The following SHROOM2 variants were observed in gnomAD, a reference collection of about 807,000 sequenced individuals.
SHROOM2 encodes the protein protein Shroom2.
A neutral mutation model predicts 75.9 loss-of-function variants in SHROOM2; 33 were observed. The observed-to-expected ratio is 0.43, with a 90% CI of 0.33 to 0.58. The LOEUF is 0.58. SHROOM2 is among the 20% of genes least tolerant of loss of function. SHROOM2 has a pLI of 0.04. For missense variants in SHROOM2, 1,434 were observed against 1,461.2 expected (o/e 0.98, Z 0.30); for synonymous variants, 655 against 663.6 (o/e 0.99, Z 0.20).
At chrX:9,898,474 G>C (rs1382399698) in intron 5 of SHROOM2, among the ~76,000 whole-genome samples, 184 bp downstream of exon 5, 2 of 112,730 alleles carry the variant, frequency 1.8e-5, no homozygotes, top group East Asian at 5.6e-4. Context: ...TGTGCACCCT[G>C]CAGCCCTGCC....
chrX:9,850,828 T>G (rs2146776760), intron 1 of SHROOM2, among the ~76,000 whole-genome samples: 1 of 26,441 alleles, frequency 3.8e-5, no homozygotes, highest in Non-Finnish European at 8.8e-5. Context: ...TAAGACTCTG[T>G]GTCAAAAAAA....
At chrX:9,823,895 A>T (rs1180554878) in intron 1 of SHROOM2, among the ~76,000 whole-genome samples, 1 of 107,789 alleles carries the variant, frequency 9.3e-6, no homozygotes, top group African/African-American at 3.4e-5. Context: ...AGGAGCTGGG[A>T]CTATAGGCAT....
chrX:9,884,368 C>CTTTTTTT (rs1181815816), intron 2 of SHROOM2, among the ~76,000 whole-genome samples: 10 of 62,284 alleles, frequency 1.6e-4, no homozygotes, highest in Non-Finnish European at 2.2e-4. Flanking sequence ...TTTTTCTTTT[C>CTTTTTTT]TTTTTTTTTT....
Position 9,895,280 on chromosome X carries a change from C to T in SHROOM2, c.1372C>T (p.Pro458Ser), listed in dbSNP as rs1487799107. The T allele has an allele frequency of 8.5e-7, 1 of 1,181,891 alleles. No individual in the cohort carries two copies. The highest frequency in any genetic ancestry group is 1.1e-6 in the Non-Finnish European group (1 of 880,441). ...GAASFQNDSP[P>S]QVRGLSSCDQ... ...TGCCAGCTTCCAGAACGACAGCCCT[C>T]CTCAGGTGAGGGGGCTCAGCAGCTG... is the stretch of plus-strand genomic sequence containing the variant. Residue 458 changes from proline to serine, a missense_variant, in exon 4 of 10, where the codon CCT becomes TCT. Pro to Ser is a moderately conservative substitution (Grantham distance 74, BLOSUM62 -1). Transcript: ENST00000380913.
intron 1 of SHROOM2, among the ~76,000 whole-genome samples, chrX:9,828,780 T>G (rs151027630): frequency 8.3e-4 from 92 of 111,470 alleles, no homozygotes; most frequent in African/African-American, 2.9e-3. Flanking sequence ...TCTGTCTATA[T>G]CTGTCTATCT....
In SHROOM2 at chrX:9,896,602, G is replaced by A. The variant is rs1009433101; in HGVS notation, c.2694G>A (p.Ala898=). 1.7e-5 allele frequency: 20 copies of A among 1,208,946 alleles called. No homozygotes were observed. In the African/African-American group the frequency reaches 1.9e-4, roughly 12 times the overall value. The part of the protein sequence containing the change: ...EARSSGRCHS[A]DDILDVSLDP... ...GGAGCTCTGGGCGCTGCCACTCAGC[G>A]GATGACATCCTGGATGTGAGCCTGG... The change falls in exon 4 of 10, where the codon GCG becomes GCA. Residue 898 remains alanine, a synonymous_variant. Coordinates refer to ENST00000380913, the MANE Select transcript of SHROOM2 (RefSeq NM_001649.4).
intron 1 of SHROOM2, among the ~76,000 whole-genome samples, chrX:9,846,616 C>T (rs1015933824): frequency 1.8e-5 from 2 of 112,132 alleles, no homozygotes; most frequent in African/African-American, 6.5e-5. Flanking sequence ...CTTTTATAGA[C>T]ATGGGGTCTT....
At chrX:9,828,623 C>T (rs1380990152) in intron 1 of SHROOM2, among the ~76,000 whole-genome samples, 1 of 110,526 alleles carries the variant, frequency 9.0e-6, no homozygotes, top group East Asian at 2.8e-4. Context: ...TGCTACCATT[C>T]CCAGTTAATG....
chrX:9,946,135 GCGTCTTCTC>G (rs1057281662), intron 9 of SHROOM2, among the ~76,000 whole-genome samples: 3 of 113,079 alleles, frequency 2.7e-5, no homozygotes, highest in Non-Finnish European at 5.6e-5. Context: ...GCACAGCACT[GCGTCTTCTC>G]CACCCTCAGG....
chrX:9,879,966 AC>A (rs1203227251), intron 2 of SHROOM2, among the ~76,000 whole-genome samples: 5 of 112,451 alleles, frequency 4.4e-5, no homozygotes, highest in Non-Finnish European at 9.4e-5. Flanking sequence ...AATGAGATCC[AC>A]CAAATTGAAA....
At chrX:9,875,102 AAAAAAAAAG>A (rs1217777135) in intron 2 of SHROOM2, among the ~76,000 whole-genome samples, 3 of 100,090 alleles carry the variant, frequency 3.0e-5, no homozygotes, top group African/African-American at 1.1e-4. Flanking sequence ...AAAAAAAAAA[AAAAAAAAAG>A]GGGAGGAAGG....
At chrX:9,875,905 A>G (rs998500447) in intron 2 of SHROOM2, among the ~76,000 whole-genome samples, 26 of 112,716 alleles carry the variant, frequency 2.3e-4, no homozygotes, top group African/African-American at 7.7e-4. Context: ...ATATTTAGTG[A>G]TAAAGATAGA....
intron 1 of SHROOM2, among the ~76,000 whole-genome samples, chrX:9,871,878 G>A (rs1480563074): frequency 8.9e-6 from 1 of 112,109 alleles, no homozygotes; most frequent in Non-Finnish European, 1.9e-5. Flanking sequence ...ACTCTTGGAA[G>A]TTGTTCTTGG....
chrX:9,792,386 G>A (rs2083670731), intron 1 of SHROOM2, among the ~76,000 whole-genome samples: 1 of 109,745 alleles, frequency 9.1e-6, no homozygotes, highest in African/African-American at 3.3e-5. Context: ...GAACTAGGAT[G>A]TTCTGAATTG....
chrX:9,792,142 A>G (rs867299098), intron 1 of SHROOM2, among the ~76,000 whole-genome samples: 1 of 27,121 alleles, frequency 3.7e-5, no homozygotes, highest in Non-Finnish European at 9.4e-5. Flanking sequence ...AATAGAATAG[A>G]ATAGAATAGA....
intron 1 of SHROOM2, among the ~76,000 whole-genome samples, chrX:9,851,030 A>C (rs2146776988): frequency 9.1e-6 from 1 of 110,053 alleles, no homozygotes; most frequent in East Asian, 2.9e-4. Flanking sequence ...TTTTTTAGAG[A>C]CAGAGTCTCA....
chrX:9,880,795 G>T (rs1282005262), intron 2 of SHROOM2, among the ~76,000 whole-genome samples: 1 of 111,555 alleles, frequency 9.0e-6, no homozygotes, highest in African/African-American at 3.3e-5. Flanking sequence ...GCTCCATAAT[G>T]AAAACAACTT....
At chrX:9,837,352 C>G (rs2083952268) in intron 1 of SHROOM2, among the ~76,000 whole-genome samples, 1 of 112,850 alleles carries the variant, frequency 8.9e-6, no homozygotes, top group Non-Finnish European at 1.9e-5. Flanking sequence ...TTCATGTTGC[C>G]TCTCTCTGAC....
chrX:9,918,351 G>T (rs2084510286), intron 5 of SHROOM2, among the ~76,000 whole-genome samples: 1 of 112,483 alleles, frequency 8.9e-6, no homozygotes, highest in African/African-American at 3.2e-5. Flanking sequence ...GACTTTTATT[G>T]CTCACAGTTC....
Sources: allele counts gnomAD v4.1 joint callset (sites outside exome capture counted in the v4.1 genomes callset), GRCh38; gene constraint gnomAD v4.1.1; transcripts MANE v1.5; gene names NCBI Gene and HGNC (gene_info 2026-07-23, HGNC 2026-07-21).